Variants in IL1RAPL2 observed in about 807,000 individuals in gnomAD.
IL1RAPL2 encodes X-linked interleukin-1 receptor accessory protein-like 2.
IL1RAPL2 carries 3 observed loss-of-function variants against 44.1 expected under a neutral mutation model. The ratio of observed to expected loss-of-function variants is 0.07; its 90% CI spans 0.03 to 0.18. IL1RAPL2 has a LOEUF of 0.18. Among genes scored for constraint, IL1RAPL2 ranks in the 10% least tolerant of loss-of-function variants. The pLI is 1.00. For missense variants in IL1RAPL2, 391 were observed against 496.4 expected (o/e 0.79, Z 2.02); for synonymous variants, 181 against 178.8 (o/e 1.01, Z -0.10).
At position 105,276,766 on chromosome X, in the gene IL1RAPL2, G is replaced by T. The variant is rs1217229237; in HGVS notation, c.697+9225G>T. On this transcript the variant is annotated intron_variant, in intron 5 of 10. Coordinates refer to ENST00000372582, the MANE Select transcript of IL1RAPL2 (RefSeq NM_017416.2). The stretch of plus-strand genomic sequence containing the variant: ...TCAGTAGGACTTTTATTAAACAAGC[G>T]ACTGACTGTGTGACTGACTCAGACT... Among the ~76,000 whole-genome samples, 3 of 111,969 alleles carry T rather than the reference G, an allele frequency of 2.7e-5. No homozygotes were observed. The Admixed American group carries it at 2.8e-4, about 11-fold the overall frequency.
At chrX:105,242,310 A>C (rs73636209) in intron 4 of IL1RAPL2, among the ~76,000 whole-genome samples, 2,494 of 112,517 alleles carry the variant, frequency 0.022, 60 homozygotes, top group African/African-American at 0.077. Context: ...AAGATTACTA[A>C]AGTCATGTGA....
At chrX:104,832,695 G>A (rs1021345530) in intron 2 of IL1RAPL2, among the ~76,000 whole-genome samples, 14 of 111,642 alleles carry the variant, frequency 1.3e-4, no homozygotes, top group African/African-American at 4.6e-4. Context: ...TCTTAGGGAA[G>A]AATTTCTTCT....
intron 6 of IL1RAPL2, among the ~76,000 whole-genome samples, chrX:105,689,129 A>C (rs1000520396): frequency 8.9e-6 from 1 of 111,971 alleles, no homozygotes; most frequent in African/African-American, 3.2e-5. Context: ...CCTAGAAGAA[A>C]ACCTAAGCAA....
intron 6 of IL1RAPL2, among the ~76,000 whole-genome samples, chrX:105,489,313 G>GA (rs763055734): frequency 9.3e-6 from 1 of 107,816 alleles, no homozygotes; most frequent in East Asian, 2.9e-4. Context: ...CTCAGCAGTT[G>GA]AAAAAAAAAT....
intron 5 of IL1RAPL2, among the ~76,000 whole-genome samples, chrX:105,447,931 T>A (rs1425673684): frequency 5.2e-5 from 5 of 95,764 alleles, no homozygotes; most frequent in East Asian, 3.1e-4. Context: ...ATAAATATAT[T>A]AAAATATGTT....
At chrX:105,022,002 G>A (rs73518207) in intron 2 of IL1RAPL2, among the ~76,000 whole-genome samples, 7,310 of 110,132 alleles carry the variant, frequency 0.066, 653 homozygotes, top group African/African-American at 0.23. Context: ...AGTGTATGGA[G>A]GTAATGCTTA....
intron 2 of IL1RAPL2, among the ~76,000 whole-genome samples, chrX:105,002,987 G>C (rs1216708883): frequency 9.0e-6 from 1 of 111,460 alleles, no homozygotes; most frequent in African/African-American, 3.2e-5. Flanking sequence ...AACTGTTTAA[G>C]ATAATGGTAT....
intron 1 of IL1RAPL2, among the ~76,000 whole-genome samples, chrX:104,633,418 A>C (rs1004954435): frequency 1.8e-5 from 2 of 111,749 alleles, no homozygotes; most frequent in Non-Finnish European, 3.8e-5. Flanking sequence ...AAGGAATGGT[A>C]CCAGCTCCTC....
At chrX:104,571,671 A>G (rs771257463) in intron 1 of IL1RAPL2, among the ~76,000 whole-genome samples, 107 of 112,225 alleles carry the variant, frequency 9.5e-4, no homozygotes, top group African/African-American at 3.3e-3. Flanking sequence ...GAGTCCACTA[A>G]ACCTCTTTCT....
intron 2 of IL1RAPL2, among the ~76,000 whole-genome samples, chrX:105,041,478 G>T (rs951447547): frequency 3.6e-5 from 4 of 110,573 alleles, no homozygotes; most frequent in Non-Finnish European, 7.6e-5. Flanking sequence ...TGACAGTGGG[G>T]TGTTAAAGTC....
chrX:105,084,039 T>C (rs1262111365), intron 2 of IL1RAPL2, among the ~76,000 whole-genome samples: 2 of 112,250 alleles, frequency 1.8e-5, no homozygotes, highest in African/African-American at 6.5e-5. Context: ...AGCACAGAAG[T>C]CAAGAACTGA....
rs1246876690 is a variant in IL1RAPL2 at position 105,731,008 on chromosome X, T to C, written c.903-9538T>C. Reference sequence around the variant, plus strand: ...AAGAACAAGCCAAACCCCAAATTAGTAGAATGAAAGAGTAGAGATCAGAGT... The same window carrying C: ...AAGAACAAGCCAAACCCCAAATTAGCAGAATGAAAGAGTAGAGATCAGAGT... On this transcript the variant is annotated intron_variant, in intron 7 of 10. Transcript: ENST00000372582. Among the ~76,000 whole-genome samples the C allele has an allele frequency of 6.4e-5, 7 of 110,140 alleles. No homozygotes were observed. The East Asian group carries it at 1.7e-3, about 27-fold the overall frequency.
At chrX:104,610,497 C>G (rs1370868116) in intron 1 of IL1RAPL2, among the ~76,000 whole-genome samples, 1 of 112,007 alleles carries the variant, frequency 8.9e-6, no homozygotes, top group African/African-American at 3.3e-5. Context: ...AATAGGCAGA[C>G]AGCCAAATCA....
chrX:104,667,113 T>A (rs1426371846), intron 2 of IL1RAPL2, among the ~76,000 whole-genome samples: 6 of 110,943 alleles, frequency 5.4e-5, no homozygotes, highest in African/African-American at 1.6e-4. Flanking sequence ...ATTGTAAGTG[T>A]GCTCTCCCTA....
At chrX:104,622,873 T>C (rs1569283010) in intron 1 of IL1RAPL2, among the ~76,000 whole-genome samples, 2 of 111,974 alleles carry the variant, frequency 1.8e-5, no homozygotes, top group African/African-American at 6.5e-5. Context: ...ATGTTTCCCA[T>C]TGAAATGAGA....
chrX:104,799,820 G>A (rs1932873695), intron 2 of IL1RAPL2, among the ~76,000 whole-genome samples: 1 of 111,010 alleles, frequency 9.0e-6, no homozygotes, highest in South Asian at 3.8e-4. Flanking sequence ...CATTTTTTCA[G>A]GGCAAGGATG....
intron 2 of IL1RAPL2, among the ~76,000 whole-genome samples, chrX:104,900,586 G>A (rs1192256230): frequency 9.0e-6 from 1 of 111,559 alleles, no homozygotes; most frequent in African/African-American, 3.3e-5. Flanking sequence ...ACCTAGGCTG[G>A]GCTCTAAGCT....
chrX:105,672,738 C>G (rs1285595209), intron 6 of IL1RAPL2, among the ~76,000 whole-genome samples: 3 of 112,338 alleles, frequency 2.7e-5, no homozygotes, highest in Admixed American at 9.4e-5. Context: ...TCTAGGCTCT[C>G]TAGTTATCCT....
intron 6 of IL1RAPL2, among the ~76,000 whole-genome samples, chrX:105,620,725 A>G (rs991939317): frequency 2.7e-5 from 3 of 110,463 alleles, no homozygotes; most frequent in South Asian, 3.8e-4. Flanking sequence ...GGAAAGCATA[A>G]CATTAAAAAT....
Sources: allele counts gnomAD v4.1 joint callset (sites outside exome capture counted in the v4.1 genomes callset), GRCh38; gene constraint gnomAD v4.1.1; transcripts MANE v1.5; gene names NCBI Gene and HGNC (gene_info 2026-07-23, HGNC 2026-07-21).